ENDOU: variants seen among roughly 807,000 people sequenced by gnomAD.
ENDOU encodes endonuclease, poly(U) specific, also known as uridylate-specific endoribonuclease.
In ENDOU, 49 loss-of-function variants were observed where a neutral mutation model predicts 54.2. The observed-to-expected ratio is 0.90, with a 90% CI of 0.72 to 1.15. The LOEUF (loss-of-function observed/expected upper bound fraction) is 1.15, where lower values mean the gene tolerates loss of function less well. Ranked by LOEUF, ENDOU falls within the 50% of genes most tolerant of loss-of-function variation. The pLI, the probability that ENDOU is intolerant of heterozygous loss-of-function variation, is 0.00. For synonymous variants in ENDOU, 172 were observed against 190.5 expected (o/e 0.90, Z 0.80); for missense variants, 458 against 511.4 (o/e 0.90, Z 1.01).
chr12:47,724,270 A>G (rs756506944), intron 1 of ENDOU, among the ~76,000 whole-genome samples: 67 of 152,110 alleles, frequency 4.4e-4, no homozygotes, highest in Non-Finnish European at 7.6e-4. Context: ...ATGCTCTCCC[A>G]CTGCCTCTCC....
chr12:47,711,862 T>C, intron 8 of ENDOU, 87 bp from the exon 9 acceptor site: 4 of 1,463,486 alleles, frequency 2.7e-6, no homozygotes, highest in Non-Finnish European at 3.8e-6. Flanking sequence ...TCAGACAGTA[T>C]TTGTTGAGGG....
chr12:47,711,889 G>T, intron 8 of ENDOU, 114 bp from the exon 9 acceptor site: 1 of 1,181,458 alleles, frequency 8.5e-7, no homozygotes, highest in Non-Finnish European at 1.2e-6. Context: ...AGGGGCCTGT[G>T]TGAACCTTCC....
intron 2 of ENDOU, 169 bp downstream of exon 2, chr12:47,720,584 C>T (rs1940398487): frequency 1.9e-6 from 1 of 525,672 alleles, no homozygotes; most frequent in Non-Finnish European, 3.1e-6. Flanking sequence ...CCTAGAAAAC[C>T]TGAGAAAAGT....
intron 5 of ENDOU, 111 bp from the exon 6 acceptor site, chr12:47,716,610 C>T (rs1940245854): frequency 2.1e-6 from 2 of 954,098 alleles, no homozygotes; most frequent in Non-Finnish European, 3.2e-6. Flanking sequence ...GGTTCAGGAG[C>T]CGAGGGGGCA....
chr12:47,709,737 C>T lies in ENDOU; in HGVS notation c.*1065G>A, dbSNP rs552929776. 1 of 152,284 alleles carries T rather than the reference C, an allele frequency of 6.6e-6. No individual in the cohort carries two copies. The highest frequency in any genetic ancestry group is 1.9e-4 in the East Asian group (1 of 5,186). The allele number at this position is 152,284 out of a possible 1,614,324, so 9.4% of individuals were successfully genotyped here. On this transcript the variant is annotated 3_prime_UTR_variant, in exon 10 of 10. Coordinates refer to ENST00000422538, the MANE Select transcript of ENDOU (RefSeq NM_001172439.2). ...CCATATACAAAGAAGACACTCATTT[C>T]AAGTTTTCTTCAATGACTTTAATTG...
intron 6 of ENDOU, among the ~76,000 whole-genome samples, chr12:47,714,157 T>A (rs528867741): frequency 6.6e-6 from 1 of 152,382 alleles, no homozygotes; most frequent in Admixed American, 6.5e-5. Context: ...ATAAGCTTGG[T>A]ACTAATTATC....
At chr12:47,717,761 A>G (rs762805545) in intron 3 of ENDOU, 106 bp from the exon 4 acceptor site, 23 of 1,207,524 alleles carry the variant, frequency 1.9e-5, no homozygotes, top group Non-Finnish European at 2.6e-5. Context: ...TGCCCAGTAA[A>G]GATCTCCAGG....
At chr12:47,713,135 G>T in intron 7 of ENDOU, 140 bp downstream of exon 7, 2 of 632,612 alleles carry the variant, frequency 3.2e-6, no homozygotes, top group South Asian at 1.9e-5. Flanking sequence ...CCTGCCATAT[G>T]GGCAGGGGAG....
intron 7 of ENDOU, 128 bp from the exon 8 acceptor site, chr12:47,712,750 G>C (rs539504623): frequency 2.9e-6 from 2 of 678,344 alleles, no homozygotes; most frequent in Admixed American, 4.8e-5. Flanking sequence ...TTGACCCCTT[G>C]CTGTGAGTCC....
At position 47,720,818 on chromosome 12, in the gene ENDOU, C is replaced by T. The variant is rs1319983770; in HGVS notation, c.113G>A (p.Cys38Tyr). The T allele has an allele frequency of 6.5e-7, 1 of 1,536,000 alleles. No homozygotes were observed. The highest frequency in any genetic ancestry group is 8.7e-7 in the Non-Finnish European group (1 of 1,146,900). The change falls in exon 2 of 10, where the codon TGC becomes TAC. Residue 38 changes from cysteine (C) to tyrosine (Y), a missense_variant. Physicochemically the swap from Cys to Tyr is radical, Grantham distance 194. Coordinates refer to ENST00000422538, the MANE Select transcript of ENDOU (RefSeq NM_001172439.2). ...CCAGAGACACCGGCGGTCACACTGGCAGGCAGCGTCCCGGTTAAATTTCTC... is the reference window on the plus strand; with the variant it reads ...CCAGAGACACCGGCGGTCACACTGGTAGGCAGCGTCCCGGTTAAATTTCTC... The part of the protein sequence containing the change: ...CNEKFNRDAA[C>Y]QCDRRCLWHG...
In ENDOU at chr12:47,710,893, GGA is replaced by G; in HGVS notation, c.1140_1141del (p.Pro381LeufsTer53). The G allele has an allele frequency of 6.2e-7, 1 of 1,613,740 alleles. No homozygotes were observed. The highest frequency in any genetic ancestry group is 8.5e-7 in the Non-Finnish European group (1 of 1,179,704). On this transcript the variant is annotated frameshift_variant, in exon 10 of 10. Coordinates refer to ENST00000422538, the MANE Select transcript of ENDOU (RefSeq NM_001172439.2). LOFTEE classifies it high-confidence loss of function. The stretch of plus-strand genomic sequence containing the variant: ...CCAGGTATATGTCCGGACAGCTAAG[GGA>G]TATCCTCCCAGGCTTAACTGGCACC...
At position 47,725,369 on chromosome 12, in the gene ENDOU, C is replaced by T; in HGVS notation, c.45G>A (p.Leu15=). ...ISLVLAVLCG[L]AWAGKIESCA... is the part of the protein sequence containing the mutation. ...CAGATAGTGACTTACCAGCCCAGGC[C>T]AGGCCACACAGCACGGCCAATACCA... The change falls in exon 1 of 10, where the codon CTG becomes CTA. Residue 15 remains leucine (L), a synonymous_variant. Transcript: ENST00000422538. 6.2e-7 allele frequency: 1 copy of T among 1,614,220 alleles called. No homozygotes were observed. The highest frequency in any genetic ancestry group is 8.5e-7 in the Non-Finnish European group (1 of 1,180,034).
At chr12:47,712,679 A>G (rs367930130) in intron 7 of ENDOU, 57 bp from the exon 8 acceptor site, 9 of 1,281,344 alleles carry the variant, frequency 7.0e-6, no homozygotes, top group South Asian at 5.0e-5. Context: ...CTCCCCTCCA[A>G]TCCCCTTTCT....
chr12:47,722,373 A>G (rs898734976), intron 1 of ENDOU, among the ~76,000 whole-genome samples: 2 of 152,180 alleles, frequency 1.3e-5, no homozygotes, highest in African/African-American at 2.4e-5. Flanking sequence ...TAGCTATGTG[A>G]TCTTGGGCAA....
At chr12:47,724,835 C>T (rs1431048632) in intron 1 of ENDOU, among the ~76,000 whole-genome samples, 3 of 152,204 alleles carry the variant, frequency 2.0e-5, no homozygotes, top group African/African-American at 7.2e-5. Flanking sequence ...CCCTGTACAG[C>T]CCCAGATAGG....
rs770601782 is a variant in ENDOU at position 47,725,429 on chromosome 12, G to A, written c.-16C>T. ...AGGCCCTCATGGTGCCCAGTTGGAG[G>A]CCAAAAAGGGAGTGGCTGTTGGACT... On this transcript the variant is annotated 5_prime_UTR_variant, in exon 1 of 10. Coordinates refer to ENST00000422538, the MANE Select transcript of ENDOU (RefSeq NM_001172439.2). 1.2e-6 allele frequency: 2 copies of A among 1,613,680 alleles called. No homozygotes were observed. Among genetic ancestry groups the A allele is most frequent in the Admixed American group, 3.3e-5 (2 of 59,986 alleles).
At chr12:47,717,974 C>A (rs1472821459) in intron 3 of ENDOU, 155 bp downstream of exon 3, 6 of 716,956 alleles carry the variant, frequency 8.4e-6, no homozygotes, top group African/African-American at 1.8e-5. Flanking sequence ...TGAGCCCCCC[C>A]AGGCTTCTTC....
In ENDOU at chr12:47,711,876, A is replaced by G. The variant is rs868533671; in HGVS notation, c.973-101T>C. 6.9e-6 allele frequency: 9 copies of G among 1,307,028 alleles called. No individual in the cohort carries two copies. The Middle Eastern group carries it at 9.8e-4, about 142-fold the overall frequency. 81.0% of individuals were successfully genotyped at this position (1,307,028 alleles called of 1,614,324 possible). Reference sequence around the variant, plus strand: ...GTCAGACAGTATTTGTTGAGGGTCCATTAGGGGCCTGTGTGAACCTTCCAG... The same window carrying G: ...GTCAGACAGTATTTGTTGAGGGTCCGTTAGGGGCCTGTGTGAACCTTCCAG... On this transcript the variant is annotated intron_variant, in intron 8 of 9. Coordinates refer to ENST00000422538, the MANE Select transcript of ENDOU (RefSeq NM_001172439.2).
chr12:47,724,334 A>G (rs1940523210), intron 1 of ENDOU, among the ~76,000 whole-genome samples: 1 of 152,186 alleles, frequency 6.6e-6, no homozygotes, highest in African/African-American at 2.4e-5. Context: ...TATCTCATCC[A>G]TGGTTGGGAG....
Sources: gnomAD v4.1 joint callset for allele counts (sites outside exome capture counted in the v4.1 genomes callset) on GRCh38, gnomAD v4.1.1 for gene constraint, MANE v1.5 for transcripts, NCBI Gene and HGNC (gene_info 2026-07-23, HGNC 2026-07-21) for gene names.